HS3ST4: variants seen among roughly 807,000 people sequenced by gnomAD.
The protein encoded by HS3ST4 is heparan sulfate-glucosamine 3-sulfotransferase 4.
Under a neutral mutation model 29.2 loss-of-function variants are expected in HS3ST4, and 17 were observed. The observed-to-expected ratio is 0.58, with a 90% CI of 0.40 to 0.87. The LOEUF (loss-of-function observed/expected upper bound fraction) is 0.87. Among genes scored for constraint, HS3ST4 ranks in the 40% least tolerant of loss-of-function variants. HS3ST4 has a pLI of 0.00. For missense variants in HS3ST4, 627 were observed against 634.5 expected (o/e 0.99, Z 0.13); for synonymous variants, 314 against 285.7 (o/e 1.10, Z -1.00).
intron 1 of HS3ST4, among the ~76,000 whole-genome samples, chr16:25,980,878 T>C (rs568752854): frequency 3.3e-5 from 5 of 152,072 alleles, no homozygotes; most frequent in Admixed American, 6.6e-5. Context: ...TGAGTGCCTT[T>C]ATTGTGGTTT....
intron 1 of HS3ST4, among the ~76,000 whole-genome samples, chr16:25,712,976 T>C (rs151278204): frequency 2.1e-3 from 326 of 152,348 alleles, no homozygotes; most frequent in African/African-American, 7.2e-3. Flanking sequence ...CCTCTGTTTG[T>C]TTCTGTCTTA....
intron 1 of HS3ST4, among the ~76,000 whole-genome samples, chr16:25,700,166 T>G (rs1966325311): frequency 6.6e-6 from 1 of 152,222 alleles, no homozygotes; most frequent in African/African-American, 2.4e-5. Context: ...TTCCAGAATT[T>G]GGTCTATTGT....
chr16:26,070,306 A>G (rs1898587330), intron 1 of HS3ST4, among the ~76,000 whole-genome samples: 1 of 152,186 alleles, frequency 6.6e-6, no homozygotes, highest in East Asian at 1.9e-4. Flanking sequence ...TCTGATGGCC[A>G]GTGATGATGA....
intron 1 of HS3ST4, among the ~76,000 whole-genome samples, chr16:25,920,863 CT>C (rs1218650782): frequency 6.6e-6 from 1 of 152,040 alleles, no homozygotes; most frequent in Non-Finnish European, 1.5e-5. Context: ...AGTGACCTGC[CT>C]GCCTTGGCCT....
chr16:25,743,575 G>A (rs553140961), intron 1 of HS3ST4, among the ~76,000 whole-genome samples: 15 of 152,078 alleles, frequency 9.9e-5, no homozygotes, highest in Non-Finnish European at 1.3e-4. Context: ...GTACGATATC[G>A]GCTCACTACA....
At chr16:25,730,342 C>G (rs752603496) in intron 1 of HS3ST4, among the ~76,000 whole-genome samples, 2 of 151,996 alleles carry the variant, frequency 1.3e-5, no homozygotes, top group Non-Finnish European at 2.9e-5. Flanking sequence ...TTCCTTCCTT[C>G]CTTCCTTCTC....
chr16:25,864,205 G>C (rs1967669714), intron 1 of HS3ST4, among the ~76,000 whole-genome samples: 1 of 152,176 alleles, frequency 6.6e-6, no homozygotes, highest in South Asian at 2.1e-4. Context: ...AAAATTGCAT[G>C]TATTTACGGT....
At chr16:25,734,123 A>T (rs889797399) in intron 1 of HS3ST4, among the ~76,000 whole-genome samples, 2 of 148,406 alleles carry the variant, frequency 1.3e-5, no homozygotes, top group Non-Finnish European at 2.9e-5. Context: ...TCTCAAAAAA[A>T]CAAAACAAAA....
chr16:26,003,687 T>C (rs972485997), intron 1 of HS3ST4, among the ~76,000 whole-genome samples: 1 of 152,218 alleles, frequency 6.6e-6, no homozygotes, highest in African/African-American at 2.4e-5. Flanking sequence ...GGTCAGTGGA[T>C]AAACTGGAGT....
intron 1 of HS3ST4, among the ~76,000 whole-genome samples, chr16:26,132,075 G>T (rs1899427925): frequency 6.6e-6 from 1 of 152,160 alleles, no homozygotes; most frequent in African/African-American, 2.4e-5. Flanking sequence ...TTCATTATAT[G>T]ATGCTATAAA....
At chr16:26,103,765 A>G (rs74578777) in intron 1 of HS3ST4, among the ~76,000 whole-genome samples, 8,714 of 152,296 alleles carry the variant, frequency 0.057, 290 homozygotes, top group Middle Eastern at 0.12. Flanking sequence ...AGTGTTTCAC[A>G]TTCATTTGTG....
intron 1 of HS3ST4, among the ~76,000 whole-genome samples, chr16:25,708,826 T>G (rs1004651350): frequency 5.3e-5 from 8 of 152,174 alleles, no homozygotes; most frequent in Admixed American, 2.6e-4. Flanking sequence ...CTTTTCAATT[T>G]TCCTGGGATT....
rs1056642088 is a variant in HS3ST4 at position 25,741,921 on chromosome 16, C to T, written c.734+48770C>T. 2.6e-5 allele frequency among the ~76,000 whole-genome samples: 4 copies of T among 151,980 alleles called. No individual in the cohort carries two copies. In the East Asian group the frequency reaches 5.8e-4, roughly 22 times the overall value. Reference sequence around the variant, plus strand: ...TCTTAATTGCTAAGTGGATAGGGCTCCCCTGTTATTTACTTTTTAATCTTT... The same window carrying T: ...TCTTAATTGCTAAGTGGATAGGGCTTCCCTGTTATTTACTTTTTAATCTTT... On this transcript the variant is annotated intron_variant, in intron 1 of 1. Transcript: ENST00000331351.
intron 1 of HS3ST4, among the ~76,000 whole-genome samples, chr16:26,111,133 G>A (rs1899123593): frequency 1.3e-5 from 2 of 151,974 alleles, no homozygotes; most frequent in Non-Finnish European, 2.9e-5. Flanking sequence ...TGCGATCATG[G>A]CTTACTGAAG....
intron 1 of HS3ST4, among the ~76,000 whole-genome samples, chr16:25,732,598 C>A (rs757960661): frequency 6.6e-6 from 1 of 152,032 alleles, no homozygotes; most frequent in East Asian, 1.9e-4. Flanking sequence ...CTCTTGATAC[C>A]CTAAAGGAGT....
chr16:26,082,039 C>A (rs980240226), intron 1 of HS3ST4, among the ~76,000 whole-genome samples: 1 of 152,128 alleles, frequency 6.6e-6, no homozygotes, highest in African/African-American at 2.4e-5. Context: ...AGGTGATTCA[C>A]CCGCCTTGGC....
intron 1 of HS3ST4, among the ~76,000 whole-genome samples, chr16:26,010,574 T>G (rs989439871): frequency 1.3e-5 from 2 of 152,144 alleles, no homozygotes; most frequent in Non-Finnish European, 2.9e-5. Flanking sequence ...CCTATGCATA[T>G]ATTTTTGGGT....
rs371930209 is a variant in HS3ST4, at chr16:25,696,625, A to C, written c.734+3474A>C. Among the ~76,000 whole-genome samples, 28 of 152,150 alleles carry C rather than the reference A, an allele frequency of 1.8e-4. No individual in the cohort carries two copies. The East Asian group carries it at 3.9e-3, about 21-fold the overall frequency. On this transcript the variant is annotated intron_variant, in intron 1 of 1. Coordinates refer to ENST00000331351, the MANE Select transcript of HS3ST4 (RefSeq NM_006040.3). ...GCGATTCTCCTGCCTCAGCCTCCCG[A>C]GTACCTGGGAGCTCTTCCATGGTTT...
At chr16:25,817,794 T>A (rs1465350745) in intron 1 of HS3ST4, among the ~76,000 whole-genome samples, 2 of 152,248 alleles carry the variant, frequency 1.3e-5, no homozygotes, top group African/African-American at 4.8e-5. Flanking sequence ...CATTAGTAAT[T>A]CACTGTATAT....
Sources: allele counts gnomAD v4.1 joint callset (sites outside exome capture counted in the v4.1 genomes callset), GRCh38; gene constraint gnomAD v4.1.1; transcripts MANE v1.5; gene names NCBI Gene and HGNC (gene_info 2026-07-23, HGNC 2026-07-21).